Variants in MYT1L observed in about 807,000 individuals in gnomAD.
The protein encoded by MYT1L is myelin transcription factor 1-like protein.
A neutral mutation model predicts 126.7 loss-of-function variants in MYT1L; 12 were observed. The observed-to-expected ratio is 0.09, with a 90% CI of 0.06 to 0.15. The LOEUF (loss-of-function observed/expected upper bound fraction) is 0.15, where lower values mean the gene tolerates loss of function less well. MYT1L is among the 10% of genes least tolerant of loss of function. MYT1L has a pLI of 1.00. For missense variants in MYT1L, 979 were observed against 1,585.2 expected (o/e 0.62, Z 6.49); for synonymous variants, 541 against 604.2 (o/e 0.90, Z 1.53).
chr2:2,272,612 A>G (rs2149350709), intron 2 of MYT1L, among the ~76,000 whole-genome samples: 1 of 152,254 alleles, frequency 6.6e-6, no homozygotes. Context: ...CTTCAACAAT[A>G]TCATCTCCAG....
At chr2:1,913,669 T>C (rs1249249872) in intron 11 of MYT1L, among the ~76,000 whole-genome samples, 1 of 152,162 alleles carries the variant, frequency 6.6e-6, no homozygotes, top group African/African-American at 2.4e-5. Context: ...CCTTTCCTTT[T>C]ATGGTAAACT....
At chr2:2,237,218 T>G (rs2094342615) in intron 2 of MYT1L, among the ~76,000 whole-genome samples, 1 of 152,164 alleles carries the variant, frequency 6.6e-6, no homozygotes, top group African/African-American at 2.4e-5. Context: ...TCCTCCTCCC[T>G]TCCTAGCTCC....
intron 1 of MYT1L, among the ~76,000 whole-genome samples, chr2:2,323,670 G>C (rs2096207300): frequency 6.6e-6 from 1 of 152,128 alleles, no homozygotes; most frequent in Non-Finnish European, 1.5e-5. Context: ...TCTCAACTCA[G>C]AAGACTGATT....
chr2:1,857,854 A>G (rs1463498573), intron 18 of MYT1L, among the ~76,000 whole-genome samples: 1 of 148,546 alleles, frequency 6.7e-6, no homozygotes, highest in East Asian at 2.0e-4. Context: ...TTTAAAATAC[A>G]TATTACTATT....
chr2:2,091,898 C>A (rs1217529261), intron 3 of MYT1L, among the ~76,000 whole-genome samples: 1 of 152,192 alleles, frequency 6.6e-6, no homozygotes, highest in Non-Finnish European at 1.5e-5. Flanking sequence ...TCTCTCTCAG[C>A]CTTTGTAGAA....
chr2:2,023,028 T>A lies in MYT1L; in HGVS notation c.-157-25681A>T, dbSNP rs544997356. Among the ~76,000 whole-genome samples the A allele has an allele frequency of 3.3e-5, 5 of 152,290 alleles. No individual in the cohort carries two copies. In the South Asian group the frequency reaches 8.3e-4, roughly 25 times the overall value. On this transcript the variant is annotated intron_variant, in intron 4 of 24. Transcript: ENST00000647738. ...GGAAAGAAAGCATCTTTCATGATAC[T>A]TGTTGGGTTAGCCTGTGATACTGAC...
chr2:1,873,427 C>G (rs554532861), intron 18 of MYT1L, among the ~76,000 whole-genome samples: 1 of 152,148 alleles, frequency 6.6e-6, no homozygotes, highest in South Asian at 2.1e-4. Flanking sequence ...GAGATGCCAG[C>G]GCCTCCGAGG....
At chr2:1,796,716 T>C (rs2033602841) in intron 23 of MYT1L, among the ~76,000 whole-genome samples, 2 of 152,186 alleles carry the variant, frequency 1.3e-5, no homozygotes, top group Admixed American at 1.3e-4. Flanking sequence ...ATCCTCCTTC[T>C]GCTCCTGCTG....
intron 18 of MYT1L, among the ~76,000 whole-genome samples, chr2:1,880,249 T>C (rs909991759): frequency 6.6e-5 from 10 of 152,324 alleles, no homozygotes; most frequent in African/African-American, 2.4e-4. Context: ...CAGCAAACAA[T>C]ATGCTGACGC....
intron 3 of MYT1L, among the ~76,000 whole-genome samples, chr2:2,056,500 GTCCA>G (rs768090361): frequency 6.6e-6 from 1 of 152,122 alleles, no homozygotes; most frequent in African/African-American, 2.4e-5. Context: ...ACATCCATCC[GTCCA>G]TCCATCCATC....
chr2:2,309,112 A>C (rs543606683), intron 1 of MYT1L, among the ~76,000 whole-genome samples: 1 of 149,226 alleles, frequency 6.7e-6, no homozygotes, highest in South Asian at 2.1e-4. Flanking sequence ...CTCTACTCAT[A>C]CTCCACCCAC....
chr2:1,968,263 C>A (rs2059532228), intron 8 of MYT1L, among the ~76,000 whole-genome samples: 3 of 140,242 alleles, frequency 2.1e-5, no homozygotes, highest in Admixed American at 2.1e-4. Flanking sequence ...TCTCCGCATG[C>A]CCGCTTCCCT....
intron 1 of MYT1L, among the ~76,000 whole-genome samples, chr2:2,322,132 T>C (rs1323259828): frequency 2.0e-5 from 3 of 151,756 alleles, no homozygotes; most frequent in African/African-American, 4.8e-5. Context: ...TAGAGTCAAA[T>C]AACCTTTTGA....
chr2:2,299,849 C>T (rs926931816), intron 1 of MYT1L, among the ~76,000 whole-genome samples: 2 of 152,288 alleles, frequency 1.3e-5, no homozygotes, highest in Non-Finnish European at 2.9e-5. Context: ...TAATCTTTCA[C>T]TTGTCAATCC....
intron 2 of MYT1L, among the ~76,000 whole-genome samples, chr2:2,183,305 G>A (rs1190992009): frequency 6.6e-6 from 1 of 152,144 alleles, no homozygotes; most frequent in East Asian, 1.9e-4. Flanking sequence ...CGAGAGAGCT[G>A]CTGGGGTGAA....
At chr2:2,121,072 TG>T (rs2080934352) in intron 3 of MYT1L, among the ~76,000 whole-genome samples, 1 of 152,244 alleles carries the variant, frequency 6.6e-6, no homozygotes, top group African/African-American at 2.4e-5. Flanking sequence ...CCCCAGCCCG[TG>T]GATCGAACTG....
chr2:2,072,273 T>C (rs1283148885), intron 3 of MYT1L, among the ~76,000 whole-genome samples: 2 of 152,208 alleles, frequency 1.3e-5, no homozygotes, highest in Non-Finnish European at 2.9e-5. Context: ...AGTACCACTA[T>C]GTGGGATTTT....
intron 1 of MYT1L, among the ~76,000 whole-genome samples, chr2:2,300,522 T>C (rs895688532): frequency 2.0e-5 from 3 of 152,228 alleles, no homozygotes; most frequent in Non-Finnish European, 4.4e-5. Flanking sequence ...CACAAATTTC[T>C]TGAGGTAATT....
At chr2:2,125,885 A>G (rs2081619379) in intron 3 of MYT1L, among the ~76,000 whole-genome samples, 1 of 152,200 alleles carries the variant, frequency 6.6e-6, no homozygotes, top group Non-Finnish European at 1.5e-5. Flanking sequence ...ACACCAAGAG[A>G]TGTAGTCATT....
Sources: gnomAD v4.1 joint callset for allele counts (sites outside exome capture counted in the v4.1 genomes callset) on GRCh38, gnomAD v4.1.1 for gene constraint, MANE v1.5 for transcripts, NCBI Gene and HGNC (gene_info 2026-07-23, HGNC 2026-07-21) for gene names.